The following HAUS4 variants were observed in gnomAD, a reference collection of about 807,000 sequenced individuals.
HAUS4 encodes the protein HAUS augmin-like complex subunit 4.
Under a neutral mutation model 50.6 loss-of-function variants are expected in HAUS4, and 34 were observed. That is an observed-to-expected ratio of 0.67 (90% CI 0.51 to 0.90). The LOEUF (loss-of-function observed/expected upper bound fraction) is 0.90, where lower values mean the gene tolerates loss of function less well. Among genes scored for constraint, HAUS4 ranks in the 40% least tolerant of loss-of-function variants. HAUS4 has a pLI of 0.00. For synonymous variants in HAUS4, 149 were observed against 161.4 expected (o/e 0.92, Z 0.58); for missense variants, 370 against 428.7 (o/e 0.86, Z 1.21).
chr14:22,948,283 T>C, intron 6 of HAUS4: 1 of 387,592 alleles, frequency 2.6e-6, no homozygotes, highest in Non-Finnish European at 4.6e-6. Context: ...ACTCTGTCTC[T>C]ATAAAAAAAA....
chr14:22,954,597 T>C (rs2044823005), intron 2 of HAUS4: 2 of 152,394 alleles, frequency 1.3e-5, no homozygotes, highest in Admixed American at 1.3e-4. Context: ...CAAGCAGATA[T>C]TGAACCAACA....
chr14:22,952,401 CTG>C lies in HAUS4; in HGVS notation c.255_256del (p.His85GlnfsTer22), dbSNP rs771176820. 85 of 1,613,954 alleles carry C rather than the reference CTG, an allele frequency of 5.3e-5. No homozygotes were observed. The highest frequency in any genetic ancestry group is 1.5e-4 in the Admixed American group (9 of 59,996). On this transcript the variant is annotated frameshift_variant, in exon 4 of 10. Transcript: ENST00000541587. LOFTEE classifies it high-confidence loss of function. ...GTCCACAAGCAACTCTTGAATGACT[CTG>C]TGTAAAATCTCAGACCTCAACCATG...
In HAUS4 at chr14:22,946,641, A is replaced by C. The variant is rs200660231; in HGVS notation, c.976T>G (p.Ser326Ala). 2.5e-6 allele frequency: 4 copies of C among 1,613,828 alleles called. No homozygotes were observed. The African/African-American group carries it at 4.0e-5, about 16-fold the overall frequency. The stretch of plus-strand genomic sequence containing the variant: ...AACTCCTCCCCAAGGACCTCATAGG[A>C]GTTCAGGACCTGTCTTGAGTTCTCC... Reference protein sequence around the residue: ...DMENSRQVLNSYEVLGEEFDR... With the variant: ...DMENSRQVLNAYEVLGEEFDR... Residue 326 changes from serine to alanine, a missense_variant, in exon 10 of 10, where the codon TCC (serine) becomes GCC (alanine). Physicochemically the swap from Ser to Ala is moderately conservative, Grantham distance 99 (BLOSUM62 1). Transcript: ENST00000541587.
At chr14:22,949,486 G>A (rs539208828) in intron 6 of HAUS4, among the ~76,000 whole-genome samples, 266 of 138,862 alleles carry the variant, frequency 1.9e-3, no homozygotes, top group Non-Finnish European at 2.6e-3. Flanking sequence ...GTGAGACTGC[G>A]CCACTGCACT....
intron 2 of HAUS4, chr14:22,954,365 A>G (rs1399357629): frequency 1.3e-5 from 2 of 152,206 alleles, no homozygotes; most frequent in African/African-American, 4.8e-5. Context: ...TAGTCAAGAT[A>G]TAGAAAATGC....
At chr14:22,950,096 C>G (rs983517467) in intron 6 of HAUS4, among the ~76,000 whole-genome samples, 6 of 148,570 alleles carry the variant, frequency 4.0e-5, no homozygotes, top group African/African-American at 1.5e-4. Context: ...CCATTGCACT[C>G]TAGCCTGGGC....
chr14:22,949,784 A>C (rs1282751756), intron 6 of HAUS4, among the ~76,000 whole-genome samples: 2 of 152,110 alleles, frequency 1.3e-5, no homozygotes, highest in African/African-American at 4.8e-5. Flanking sequence ...TCCCTGCAGC[A>C]GGAGGACACT....
intron 4 of HAUS4, among the ~76,000 whole-genome samples, chr14:22,952,068 A>T (rs904253008): frequency 3.9e-5 from 6 of 152,114 alleles, no homozygotes; most frequent in African/African-American, 1.4e-4. Context: ...CCCAGGCTGG[A>T]GTGCTGTGGC....
At chr14:22,947,331 G>A in intron 8 of HAUS4, 92 bp from the exon 9 acceptor site, 2 of 896,470 alleles carry the variant, frequency 2.2e-6, no homozygotes, top group South Asian at 2.7e-5. Flanking sequence ...CGGTCAAGGT[G>A]TGGGCTAAGC....
At chr14:22,946,853 G>C (rs1384788436) in intron 9 of HAUS4, 145 bp from the exon 10 acceptor site, 2 of 604,534 alleles carry the variant, frequency 3.3e-6, no homozygotes, top group East Asian at 2.9e-5. Flanking sequence ...GTATGATCTT[G>C]GCTCACTGCA....
At chr14:22,955,651 G>C (rs139930998) in intron 1 of HAUS4, 41 of 152,354 alleles carry the variant, frequency 2.7e-4, no homozygotes, top group African/African-American at 9.5e-4. Flanking sequence ...TTTTGTCTAA[G>C]ATCTGTTGGT....
intron 4 of HAUS4, among the ~76,000 whole-genome samples, chr14:22,951,941 C>T (rs1407218477): frequency 6.6e-6 from 1 of 152,186 alleles, no homozygotes; most frequent in South Asian, 2.1e-4. Flanking sequence ...TCCTACTTCC[C>T]CTAGATCACA....
intron 1 of HAUS4, 69 bp from the exon 2 acceptor site, chr14:22,955,245 T>C (rs906703504): frequency 2.1e-6 from 2 of 949,202 alleles, no homozygotes; most frequent in Non-Finnish European, 3.5e-6. Flanking sequence ...GGACACTACC[T>C]TATGTTCAAA....
chr14:22,955,533 T>G, intron 1 of HAUS4: 1 of 179,032 alleles, frequency 5.6e-6, no homozygotes, highest in Non-Finnish European at 1.2e-5. Context: ...GAGCTGCAGC[T>G]TCCCAGTTAT....
intron 3 of HAUS4, 33 bp downstream of exon 3, chr14:22,952,508 C>T: frequency 1.2e-6 from 2 of 1,613,126 alleles, no homozygotes; most frequent in Non-Finnish European, 8.5e-7. Context: ...CAGGATTTTC[C>T]CTTCTTCTTA....
chr14:22,953,665 G>A (rs2044801906), intron 2 of HAUS4, among the ~76,000 whole-genome samples: 1 of 151,404 alleles, frequency 6.6e-6, no homozygotes, highest in Non-Finnish European at 1.5e-5. Context: ...CTGTCACCCA[G>A]GCTGGAGTGC....
intron 2 of HAUS4, 106 bp downstream of exon 2, chr14:22,954,994 G>C: frequency 1.2e-6 from 1 of 842,290 alleles, no homozygotes; most frequent in Non-Finnish European, 2.1e-6. Context: ...CAAAGTGCTG[G>C]GATTACAGGT....
chr14:22,951,191 G>A (rs1164148597), intron 5 of HAUS4, among the ~76,000 whole-genome samples: 1 of 150,084 alleles, frequency 6.7e-6, no homozygotes, highest in Non-Finnish European at 1.5e-5. Flanking sequence ...TTTTGGTAGA[G>A]ACGAGGTCTC....
At chr14:22,949,183 T>A (rs543407164) in intron 6 of HAUS4, among the ~76,000 whole-genome samples, 2 of 143,640 alleles carry the variant, frequency 1.4e-5, no homozygotes, top group East Asian at 4.2e-4. Context: ...AGAAATGGTT[T>A]AGGGAGGAAA....
Sources: gnomAD v4.1 joint callset for allele counts (sites outside exome capture counted in the v4.1 genomes callset) on GRCh38, gnomAD v4.1.1 for gene constraint, MANE v1.5 for transcripts, NCBI Gene and HGNC (gene_info 2026-07-23, HGNC 2026-07-21) for gene names.